Variants in SMAP1 observed in about 807,000 individuals in gnomAD.
SMAP1 encodes the protein small ArfGAP 1.
A neutral mutation model predicts 58.5 loss-of-function variants in SMAP1; 24 were observed. That is an observed-to-expected ratio of 0.41 (90% CI 0.30 to 0.58). SMAP1 has a LOEUF of 0.58. Among genes scored for constraint, SMAP1 ranks in the 20% least tolerant of loss-of-function variants. The pLI is 0.29. For synonymous variants in SMAP1, 216 were observed against 196.6 expected (o/e 1.10, Z -0.82); for missense variants, 563 against 566.3 (o/e 0.99, Z 0.06).
chr6:70,791,831 G>T (rs971625599), intron 5 of SMAP1, 62 bp downstream of exon 5: 6 of 1,382,544 alleles, frequency 4.3e-6, no homozygotes, highest in Non-Finnish European at 6.1e-6. Flanking sequence ...ACTTCCTTTT[G>T]CAGTGTGTCA....
At chr6:70,744,024 TTAAA>T (rs1426654512) in intron 2 of SMAP1, among the ~76,000 whole-genome samples, 1 of 152,204 alleles carries the variant, frequency 6.6e-6, no homozygotes, top group East Asian at 1.9e-4. Context: ...AGGTTAAACT[TTAAA>T]TAAGGTCAGT....
At chr6:70,689,571 A>G (rs1210862060) in intron 1 of SMAP1, among the ~76,000 whole-genome samples, 1 of 152,168 alleles carries the variant, frequency 6.6e-6, no homozygotes, top group Non-Finnish European at 1.5e-5. Flanking sequence ...TTGAATTTTC[A>G]TATGAATTTT....
chr6:70,813,142 C>A (rs979637268), intron 6 of SMAP1, among the ~76,000 whole-genome samples: 7 of 151,908 alleles, frequency 4.6e-5, no homozygotes, highest in Admixed American at 1.3e-4. Flanking sequence ...TCTCTCACCC[C>A]CAATTTAATG....
intron 6 of SMAP1, among the ~76,000 whole-genome samples, chr6:70,834,446 A>C (rs1194117364): frequency 1.3e-5 from 2 of 151,746 alleles, no homozygotes; most frequent in Non-Finnish European, 2.9e-5. Context: ...CCTATTTGGC[A>C]CATAACATCT....
chr6:70,762,827 T>G (rs1766808296), intron 3 of SMAP1, among the ~76,000 whole-genome samples: 1 of 152,094 alleles, frequency 6.6e-6, no homozygotes, highest in African/African-American at 2.4e-5. Flanking sequence ...AAAGGATTTC[T>G]TATTGTAAAC....
At chr6:70,833,129 G>T (rs1320308249) in intron 6 of SMAP1, among the ~76,000 whole-genome samples, 1 of 152,090 alleles carries the variant, frequency 6.6e-6, no homozygotes, top group Non-Finnish European at 1.5e-5. Flanking sequence ...TTAAGTATTT[G>T]TTACTCTATC....
intron 2 of SMAP1, among the ~76,000 whole-genome samples, chr6:70,740,214 C>A (rs996532118): frequency 7.2e-5 from 11 of 152,072 alleles, no homozygotes; most frequent in Non-Finnish European, 1.5e-4. Flanking sequence ...TTCAAGATAG[C>A]TTTTTTAACT....
At position 70,668,108 on chromosome 6, in the gene SMAP1, GACA is replaced by G. The variant is rs1448640646; in HGVS notation, c.90_92del (p.Asn30del). ...CCTATCCAAGCTTCTGAGGGAGGAG[GACA>G]ACAAGTACTGCGCCGACTGCGAGGC... On this transcript the variant is annotated inframe_deletion, in exon 1 of 11. Coordinates refer to ENST00000370455, the MANE Select transcript of SMAP1 (RefSeq NM_001044305.3). 4.4e-6 allele frequency: 7 copies of G among 1,603,976 alleles called. No individual in the cohort carries two copies. The highest frequency in any genetic ancestry group is 1.4e-5 in the African/African-American group (1 of 73,148).
At chr6:70,696,308 CTTT>C (rs1269632892) in intron 1 of SMAP1, among the ~76,000 whole-genome samples, 1 of 151,858 alleles carries the variant, frequency 6.6e-6, no homozygotes, top group Non-Finnish European at 1.5e-5. Context: ...TTTGCCTTTG[CTTT>C]GCTAGTGTTT....
At chr6:70,706,099 C>T (rs1409093660) in intron 1 of SMAP1, among the ~76,000 whole-genome samples, 4 of 152,134 alleles carry the variant, frequency 2.6e-5, no homozygotes, top group African/African-American at 4.8e-5. Context: ...TAATTAGAAA[C>T]ACCGAAAGGG....
chr6:70,715,158 G>A (rs1382265376), intron 1 of SMAP1, among the ~76,000 whole-genome samples: 5 of 142,758 alleles, frequency 3.5e-5, no homozygotes, highest in African/African-American at 1.3e-4. Context: ...GAGTGCAGTG[G>A]TGTGATCATG....
chr6:70,758,666 A>G (rs1278504819), intron 3 of SMAP1, among the ~76,000 whole-genome samples: 3 of 152,008 alleles, frequency 2.0e-5, no homozygotes, highest in Admixed American at 6.6e-5. Context: ...AAATACTTAT[A>G]CAGCCCAAAA....
intron 2 of SMAP1, among the ~76,000 whole-genome samples, chr6:70,746,633 C>T (rs1167012745): frequency 6.6e-6 from 1 of 152,018 alleles, no homozygotes; most frequent in Admixed American, 6.5e-5. Context: ...CTAAAATTCT[C>T]TTTTTTTGTT....
chr6:70,745,170 T>G (rs1562129318), intron 2 of SMAP1, among the ~76,000 whole-genome samples: 1 of 152,204 alleles, frequency 6.6e-6, no homozygotes, highest in Non-Finnish European at 1.5e-5. Context: ...AGAAGCTCTT[T>G]AGTTTAATTA....
In SMAP1 at chr6:70,858,055, C is replaced by T; in HGVS notation, c.1095C>T (p.Ser365=). ...GAAATGTGATGGGACAGAGTCCAAGCATGATGGTGGGCATGCCCATGCCCA... is the reference window on the plus strand; with the variant it reads ...GAAATGTGATGGGACAGAGTCCAAGTATGATGGTGGGCATGCCCATGCCCA... ...LIGNVMGQSP[S]MMVGMPMPNG... Residue 365 remains serine (S), a synonymous_variant, in exon 10 of 11, where the codon AGC becomes AGT. Coordinates refer to ENST00000370455, the MANE Select transcript of SMAP1 (RefSeq NM_001044305.3). 6.2e-7 allele frequency: 1 copy of T among 1,614,114 alleles called. No homozygotes were observed. The highest frequency in any genetic ancestry group is 2.2e-5 in the East Asian group (1 of 44,858).
rs563463141 is a variant in SMAP1 at position 70,755,145 on chromosome 6, T to G, written c.338+80T>G. On this transcript the variant is annotated intron_variant, in intron 3 of 10. Coordinates refer to ENST00000370455, the MANE Select transcript of SMAP1 (RefSeq NM_001044305.3). Reference sequence around the variant, plus strand: ...AGTTCATATTTTATCTGTTAGTATTTAGGAAGATGTGAACTTTATCACGCT... The same window carrying G: ...AGTTCATATTTTATCTGTTAGTATTGAGGAAGATGTGAACTTTATCACGCT... The G allele has an allele frequency of 2.2e-5, 25 of 1,127,042 alleles. No individual in the cohort carries two copies. The South Asian group carries it at 3.5e-4, about 16-fold the overall frequency. 69.8% of individuals were successfully genotyped at this position (1,127,042 alleles called of 1,614,324 possible).
intron 1 of SMAP1, among the ~76,000 whole-genome samples, chr6:70,686,652 G>A (rs981999032): frequency 4.6e-5 from 7 of 152,102 alleles, no homozygotes; most frequent in Admixed American, 2.0e-4. Context: ...GAATATAATA[G>A]TGTCTTTTCA....
Position 70,712,171 on chromosome 6 carries a change from G to A in SMAP1, c.119-20207G>A, listed in dbSNP as rs145146450. On this transcript the variant is annotated intron_variant, in intron 1 of 10. Transcript: ENST00000370455. ...TGGAACTTTTGTCAAATGCTTTTTT[G>A]TTCATTTATTGAGATGATCATGTGG... 1.8e-4 allele frequency among the ~76,000 whole-genome samples: 27 copies of A among 152,124 alleles called. No homozygotes were observed. The East Asian group carries it at 4.4e-3, about 25-fold the overall frequency.
chr6:70,773,917 C>T (rs888860228), intron 4 of SMAP1, among the ~76,000 whole-genome samples: 8 of 152,290 alleles, frequency 5.3e-5, no homozygotes, highest in South Asian at 2.1e-4. Flanking sequence ...CAAATACCAT[C>T]AGGTACCCAT....
Sources: gnomAD v4.1 joint callset for allele counts (sites outside exome capture counted in the v4.1 genomes callset) on GRCh38, gnomAD v4.1.1 for gene constraint, MANE v1.5 for transcripts, NCBI Gene and HGNC (gene_info 2026-07-23, HGNC 2026-07-21) for gene names.